The following BTBD8 variants were observed in gnomAD, a reference collection of about 807,000 sequenced individuals.
BTBD8 encodes BTB domain containing 8, also known as BTB/POZ domain-containing protein 8.
Under a neutral mutation model 162.9 loss-of-function variants are expected in BTBD8, and 110 were observed. That is an observed-to-expected ratio of 0.68 (90% CI 0.58 to 0.79). The LOEUF (loss-of-function observed/expected upper bound fraction) is 0.79. Among genes scored for constraint, BTBD8 ranks in the 30% least tolerant of loss-of-function variants. BTBD8 has a pLI of 0.00. For synonymous variants in BTBD8, 667 were observed against 716.1 expected (o/e 0.93, Z 1.10); for missense variants, 1,905 against 2,085.4 (o/e 0.91, Z 1.68).
At chr1:92,127,332 C>A (rs1159855771) in intron 4 of BTBD8, among the ~76,000 whole-genome samples, 2 of 152,164 alleles carry the variant, frequency 1.3e-5, no homozygotes, top group African/African-American at 4.8e-5. Context: ...TAATTTAGAG[C>A]TTTTGGTTAA....
At chr1:92,168,637 GT>G (rs1356787126) in intron 11 of BTBD8, among the ~76,000 whole-genome samples, 1 of 152,170 alleles carries the variant, frequency 6.6e-6, no homozygotes, top group East Asian at 1.9e-4. Flanking sequence ...GGGCATTGGT[GT>G]TTTAAAATAA....
intron 4 of BTBD8, among the ~76,000 whole-genome samples, chr1:92,129,403 G>C (rs528204318): frequency 1.3e-5 from 2 of 152,034 alleles, no homozygotes; most frequent in Admixed American, 1.3e-4. Flanking sequence ...AGGATCATAC[G>C]TGAGTCTAGG....
At chr1:92,102,413 T>G in intron 2 of BTBD8, 60 bp from the exon 3 acceptor site, 1 of 1,185,068 alleles carries the variant, frequency 8.4e-7, no homozygotes, top group African/African-American at 1.6e-5. Flanking sequence ...GAAACTAGCA[T>G]TCTTTCTTTT....
chr1:92,103,419 T>C lies in BTBD8; in HGVS notation c.544+750T>C, dbSNP rs186679868. On this transcript the variant is annotated intron_variant, in intron 3 of 17. Transcript: ENST00000636805. ...CATTAAGGATGGAATGCATTAAAGATGGATGCATGTGTAGAGAGAGGTTCT... is the reference window on the plus strand; with the variant it reads ...CATTAAGGATGGAATGCATTAAAGACGGATGCATGTGTAGAGAGAGGTTCT... Among the ~76,000 whole-genome samples, 255 of 152,292 alleles carry C rather than the reference T, an allele frequency of 1.7e-3. 1 individual carries two copies. Among genetic ancestry groups the C allele is most frequent in the Middle Eastern group, 6.8e-3 (2 of 294 alleles).
At chr1:92,182,898 T>C (rs1265892250) in intron 17 of BTBD8, among the ~76,000 whole-genome samples, 1 of 152,084 alleles carries the variant, frequency 6.6e-6, no homozygotes, top group Non-Finnish European at 1.5e-5. Flanking sequence ...TAGTTATTTA[T>C]GTATAATTTA....
At chr1:92,097,359 C>T (rs570990143) in intron 2 of BTBD8, among the ~76,000 whole-genome samples, 18 of 152,230 alleles carry the variant, frequency 1.2e-4, no homozygotes, top group African/African-American at 3.9e-4. Flanking sequence ...CTTGCCAATT[C>T]GTTTCCTCCC....
rs1197528614 is a variant in BTBD8 at position 92,167,866 on chromosome 1, A to G, written c.1324A>G (p.Thr442Ala). 1 of 1,550,360 alleles carries G rather than the reference A, an allele frequency of 6.5e-7. No homozygotes were observed. Among genetic ancestry groups the G allele is most frequent in the Non-Finnish European group, 8.7e-7 (1 of 1,146,058 alleles). The change falls in exon 11 of 18, where the codon ACA (threonine) becomes GCA (alanine). Residue 442 changes from threonine to alanine, a missense_variant. Physicochemically the swap from Thr to Ala is moderately conservative, Grantham distance 58. Coordinates refer to ENST00000636805, the MANE Select transcript of BTBD8 (RefSeq NM_001376131.1). ...TTTATAGTCACAAGCAATGAGCAGC[A>G]CAGCCGATCTGTTGGACACAATTTT... ...LLLQSQAMSS[T>A]ADLLDTILKA...
intron 9 of BTBD8, among the ~76,000 whole-genome samples, chr1:92,159,795 A>T (rs191545152): frequency 5.6e-4 from 86 of 152,258 alleles, no homozygotes; most frequent in Non-Finnish European, 1.0e-3. Context: ...TCTCTTGTAC[A>T]TAAGTTGCTT....
chr1:92,098,368 A>C (rs1439376979), intron 2 of BTBD8, among the ~76,000 whole-genome samples: 2 of 152,180 alleles, frequency 1.3e-5, no homozygotes, highest in Middle Eastern at 3.2e-3. Context: ...GGCTATTATG[A>C]ATAAATCTGC....
rs578184653 is a variant in BTBD8, at chr1:92,170,543, A to C, written c.1574-856A>C. ...TCAGGATCCTGCTTTGTCTTATAGC[A>C]CATATCCTATAGAATAGAGATCATG... On this transcript the variant is annotated intron_variant, in intron 12 of 17. Transcript: ENST00000636805. 5.3e-5 allele frequency among the ~76,000 whole-genome samples: 8 copies of C among 152,250 alleles called. No homozygotes were observed. The South Asian group carries it at 1.7e-3, about 32-fold the overall frequency.
At chr1:92,165,505 T>C in intron 9 of BTBD8, among the ~76,000 whole-genome samples, 1 of 139,636 alleles carries the variant, frequency 7.2e-6, no homozygotes, top group South Asian at 2.3e-4. Context: ...CTTCTGGACC[T>C]AAAAAAAAAA....
At chr1:92,159,822 A>G (rs1395974819) in intron 9 of BTBD8, among the ~76,000 whole-genome samples, 2 of 152,162 alleles carry the variant, frequency 1.3e-5, no homozygotes, top group African/African-American at 4.8e-5. Flanking sequence ...TGCTGCTTTC[A>G]AAATTTGCTC....
chr1:92,085,745 C>T (rs755581317), intron 1 of BTBD8, among the ~76,000 whole-genome samples: 2 of 151,998 alleles, frequency 1.3e-5, no homozygotes, highest in Non-Finnish European at 2.9e-5. Context: ...TAATAATTTA[C>T]AGGCTAGGCA....
intron 16 of BTBD8, among the ~76,000 whole-genome samples, chr1:92,179,232 C>T (rs559693422): frequency 3.8e-5 from 5 of 132,630 alleles, no homozygotes; most frequent in African/African-American, 6.1e-5. Flanking sequence ...GGCGACAGAG[C>T]GAGACTCTAT....
intron 2 of BTBD8, among the ~76,000 whole-genome samples, chr1:92,094,461 T>C (rs1421161982): frequency 1.3e-5 from 2 of 152,250 alleles, no homozygotes; most frequent in Non-Finnish European, 2.9e-5. Context: ...AATTTTTGCT[T>C]TGTGAAATTC....
At chr1:92,096,790 G>A (rs553679613) in intron 2 of BTBD8, among the ~76,000 whole-genome samples, 5 of 151,966 alleles carry the variant, frequency 3.3e-5, no homozygotes, top group Non-Finnish European at 5.9e-5. Context: ...CTCCCACCTC[G>A]GTCTCACAAA....
At chr1:92,166,719 C>G (rs1438388822) in intron 9 of BTBD8, among the ~76,000 whole-genome samples, 1 of 152,070 alleles carries the variant, frequency 6.6e-6, no homozygotes, top group Non-Finnish European at 1.5e-5. Context: ...GCCACTGTAC[C>G]CCACCTCTTT....
chr1:92,115,054 T>G (rs780048259), intron 4 of BTBD8: 1 of 368,210 alleles, frequency 2.7e-6, no homozygotes, highest in South Asian at 2.3e-5. Flanking sequence ...TTGGCTGGTT[T>G]CTCCAGAGAG....
intron 4 of BTBD8, among the ~76,000 whole-genome samples, chr1:92,126,804 A>AC (rs1649371671): frequency 6.6e-6 from 1 of 151,632 alleles, no homozygotes; most frequent in Non-Finnish European, 1.5e-5. Flanking sequence ...ACAGTGTAAG[A>AC]TTTTTTTTTA....
Sources: gnomAD v4.1 joint callset for allele counts (sites outside exome capture counted in the v4.1 genomes callset) on GRCh38, gnomAD v4.1.1 for gene constraint, MANE v1.5 for transcripts, NCBI Gene and HGNC (gene_info 2026-07-23, HGNC 2026-07-21) for gene names.